RALGAPA1: variants seen among roughly 807,000 people sequenced by gnomAD.
RALGAPA1 encodes the protein Ral GTPase activating protein catalytic subunit alpha 1.
A neutral mutation model predicts 269.6 loss-of-function variants in RALGAPA1; 52 were observed. The observed-to-expected ratio is 0.19, with a 90% CI of 0.15 to 0.24. The LOEUF is 0.24. Ranked by LOEUF, RALGAPA1 falls within the 10% of genes least tolerant of loss-of-function variation. The pLI is 1.00. For missense variants in RALGAPA1, 1,917 were observed against 3,013.9 expected, an observed-to-expected ratio of 0.64 and a Z score of 8.52; for synonymous variants, 817 against 1,008.3, an observed-to-expected ratio of 0.81 and a Z score of 3.60.
At chr14:35,583,213 A>C (rs918543166) in intron 37 of RALGAPA1, among the ~76,000 whole-genome samples, 2 of 152,226 alleles carry the variant, frequency 1.3e-5, no homozygotes, top group African/African-American at 4.8e-5. Flanking sequence ...AAAAGTAGAC[A>C]ACATTTAAGA....
chr14:35,774,533 A>G (rs934792854), intron 3 of RALGAPA1, among the ~76,000 whole-genome samples: 1 of 152,102 alleles, frequency 6.6e-6, no homozygotes, highest in Non-Finnish European at 1.5e-5. Context: ...GACTTGCCCC[A>G]TTTCCAATCT....
At chr14:35,732,960 G>A (rs895190271) in intron 12 of RALGAPA1, among the ~76,000 whole-genome samples, 2 of 152,144 alleles carry the variant, frequency 1.3e-5, no homozygotes, top group African/African-American at 4.8e-5. Flanking sequence ...CTATTCAACA[G>A]TGCATGGAAC....
intron 16 of RALGAPA1, among the ~76,000 whole-genome samples, chr14:35,710,540 G>A (rs984239308): frequency 6.6e-6 from 1 of 152,198 alleles, no homozygotes; most frequent in Non-Finnish European, 1.5e-5. Flanking sequence ...TTACAGGCAT[G>A]AGCCACTATG....
At chr14:35,788,855 T>C (rs1288470899) in intron 1 of RALGAPA1, among the ~76,000 whole-genome samples, 1 of 152,230 alleles carries the variant, frequency 6.6e-6, no homozygotes, top group Non-Finnish European at 1.5e-5. Flanking sequence ...GACTTTAATG[T>C]CTTTTCTATC....
In RALGAPA1 at chr14:35,580,587, G is replaced by C. The variant is rs186844601; in HGVS notation, c.7210-7869C>G. On this transcript the variant is annotated intron_variant, in intron 37 of 41. Coordinates refer to ENST00000680220, the MANE Select transcript of RALGAPA1 (RefSeq NM_001346249.2). ...ATGTTGTAAATATTCTGCTGCTACT[G>C]TCTTGAGCCTTGAAAAAGCTTCTCT... Among the ~76,000 whole-genome samples the C allele has an allele frequency of 2.6e-4, 40 of 152,224 alleles. No homozygotes were observed. In the East Asian group the frequency reaches 6.0e-3, roughly 23 times the overall value.
intron 27 of RALGAPA1, among the ~76,000 whole-genome samples, chr14:35,661,550 C>T (rs181343466): frequency 6.6e-6 from 1 of 152,096 alleles, no homozygotes; most frequent in Admixed American, 6.5e-5. Context: ...AGGACAGAAA[C>T]ATCAACAGGG....
At chr14:35,786,422 G>A (rs963769006) in intron 1 of RALGAPA1, among the ~76,000 whole-genome samples, 3 of 151,890 alleles carry the variant, frequency 2.0e-5, no homozygotes, top group African/African-American at 4.8e-5. Flanking sequence ...GGCGGATCAC[G>A]AGGTCACGAG....
At chr14:35,703,221 C>T (rs1358219471) in intron 16 of RALGAPA1, among the ~76,000 whole-genome samples, 2 of 152,152 alleles carry the variant, frequency 1.3e-5, no homozygotes, top group Non-Finnish European at 2.9e-5. Flanking sequence ...CCTGTAATCC[C>T]AGCACTTTGG....
intron 37 of RALGAPA1, among the ~76,000 whole-genome samples, chr14:35,578,569 G>A (rs2057731710): frequency 6.6e-6 from 1 of 152,158 alleles, no homozygotes; most frequent in Non-Finnish European, 1.5e-5. Context: ...ATCAGGAAAA[G>A]TTTCTTGAAA....
intron 1 of RALGAPA1, among the ~76,000 whole-genome samples, chr14:35,795,474 T>A (rs1041045750): frequency 2.0e-5 from 3 of 152,098 alleles, no homozygotes; most frequent in Non-Finnish European, 4.4e-5. Context: ...CACACAGAGC[T>A]GGGAAGAGTG....
intron 1 of RALGAPA1, among the ~76,000 whole-genome samples, chr14:35,789,839 G>T (rs1389110310): frequency 6.6e-6 from 1 of 152,192 alleles, no homozygotes; most frequent in Non-Finnish European, 1.5e-5. Flanking sequence ...CAAAACACCA[G>T]GGCTTGAATC....
chr14:35,651,083 A>T (rs923798941), intron 31 of RALGAPA1, among the ~76,000 whole-genome samples: 2 of 152,202 alleles, frequency 1.3e-5, no homozygotes, highest in Non-Finnish European at 2.9e-5. Flanking sequence ...TAATTAAAAA[A>T]TAGACATAAT....
chr14:35,663,781 T>G (rs893526081), intron 27 of RALGAPA1, among the ~76,000 whole-genome samples: 1 of 151,796 alleles, frequency 6.6e-6, no homozygotes, highest in Non-Finnish European at 1.5e-5. Flanking sequence ...TTAGTAGAGA[T>G]AGGGTTTCAC....
chr14:35,747,130 A>G (rs2072191874), intron 10 of RALGAPA1, among the ~76,000 whole-genome samples: 1 of 152,120 alleles, frequency 6.6e-6, no homozygotes, highest in African/African-American at 2.4e-5. Flanking sequence ...CCTGGACAAC[A>G]GAGCAAGACC....
intron 1 of RALGAPA1, among the ~76,000 whole-genome samples, chr14:35,797,750 CAGG>C (rs1213093498): frequency 6.7e-6 from 1 of 149,054 alleles, no homozygotes; most frequent in Non-Finnish European, 1.5e-5. Context: ...GAGGCTGAGG[CAGG>C]AGAATTGCTT....
chr14:35,554,338 C>CTTTTTTT (rs869302363), intron 39 of RALGAPA1, among the ~76,000 whole-genome samples: 14 of 85,760 alleles, frequency 1.6e-4, no homozygotes, highest in Non-Finnish European at 2.8e-4. Context: ...AATACACTTT[C>CTTTTTTT]TTTTTTTTTT....
At chr14:35,718,880 T>C (rs1295910099) in intron 16 of RALGAPA1, among the ~76,000 whole-genome samples, 1 of 150,906 alleles carries the variant, frequency 6.6e-6, no homozygotes, top group Non-Finnish European at 1.5e-5. Context: ...CACTTTGTCA[T>C]CCAGGCTGAA....
At chr14:35,736,085 T>C (rs10141573) in intron 12 of RALGAPA1, among the ~76,000 whole-genome samples, 29,109 of 152,010 alleles carry the variant, frequency 0.19, 3,432 homozygotes, top group African/African-American at 0.33. Context: ...TAATTAGAAA[T>C]TTACTACAAT....
intron 41 of RALGAPA1, among the ~76,000 whole-genome samples, chr14:35,545,146 T>C (rs901542124): frequency 6.6e-6 from 1 of 152,216 alleles, no homozygotes; most frequent in Non-Finnish European, 1.5e-5. Flanking sequence ...ATTTATAAAA[T>C]AACTATCTTC....
Sources: gnomAD v4.1 joint callset for allele counts (sites outside exome capture counted in the v4.1 genomes callset) on GRCh38, gnomAD v4.1.1 for gene constraint, MANE v1.5 for transcripts, NCBI Gene and HGNC (gene_info 2026-07-23, HGNC 2026-07-21) for gene names.